WSCD2: variants seen among roughly 807,000 people sequenced by gnomAD.
The protein encoded by WSCD2 is sialate:O-sulfotransferase 2.
WSCD2 carries 28 observed loss-of-function variants against 55.7 expected under a neutral mutation model. The ratio of observed to expected loss-of-function variants is 0.50; its 90% CI spans 0.37 to 0.69. WSCD2 has a LOEUF of 0.69. WSCD2 is among the 30% of genes least tolerant of loss of function. The pLI is 0.00. For missense variants in WSCD2, 616 were observed against 762.1 expected (o/e 0.81, Z 2.26); for synonymous variants, 301 against 301.9 (o/e 1.00, Z 0.03).
intron 1 of WSCD2, among the ~76,000 whole-genome samples, chr12:108,173,198 C>A (rs1880413288): frequency 6.6e-6 from 1 of 152,184 alleles, no homozygotes; most frequent in African/African-American, 2.4e-5. Flanking sequence ...ACTAGCAAAG[C>A]CCCAGCTCAT....
chr12:108,140,739 A>G (rs1236049590), intron 1 of WSCD2, among the ~76,000 whole-genome samples: 1 of 152,010 alleles, frequency 6.6e-6, no homozygotes, highest in East Asian at 1.9e-4. Context: ...AGCCCCTGCT[A>G]CAGTCCTGAA....
chr12:108,201,280 G>C (rs1884635969), intron 2 of WSCD2, among the ~76,000 whole-genome samples: 1 of 152,090 alleles, frequency 6.6e-6, no homozygotes. Flanking sequence ...GCAATCCCTT[G>C]CTTGCAGCCA....
chr12:108,244,664 A>C lies in WSCD2; in HGVS notation c.1346-3327A>C. On this transcript the variant is annotated intron_variant, in intron 8 of 8. Transcript: ENST00000547525. ...TAATGTCTCCAAAGTCACATACCTC[A>C]TGTGGGGAGGAGCTGGGTCCTGAAC... The C allele has an allele frequency of 4.3e-6, 3 of 694,592 alleles. No homozygotes were observed. The South Asian group carries it at 4.5e-5, about 10-fold the overall frequency. The allele number at this position is 694,592 out of a possible 1,614,324, so 43.0% of individuals were successfully genotyped here. A position where few individuals can be genotyped will look rare whatever the true frequency, so the allele number is the denominator to read the frequency against.
chr12:108,133,610 A>G (rs937164887), intron 1 of WSCD2, among the ~76,000 whole-genome samples: 2 of 152,082 alleles, frequency 1.3e-5, no homozygotes, highest in Non-Finnish European at 2.9e-5. Context: ...TCAGGACTGA[A>G]CTGTGCTTGT....
At position 108,248,983 on chromosome 12, in the gene WSCD2, C is replaced by T. The variant is rs1170063094; in HGVS notation, c.*640C>T. The T allele has an allele frequency of 1.1e-5, 10 of 901,562 alleles. No homozygotes were observed. The highest frequency in any genetic ancestry group is 1.3e-5 in the Non-Finnish European group (10 of 753,404). The allele number at this position is 901,562 out of a possible 1,614,324, so 55.8% of individuals were successfully genotyped here. A position where few individuals can be genotyped will look rare whatever the true frequency, so the allele number is the denominator to read the frequency against. The stretch of plus-strand genomic sequence containing the variant: ...CATGTGGGGCCATTGGTGTTATGAG[C>T]CCCCCAGGCCACACTGCTTCTCAGA... On this transcript the variant is annotated 3_prime_UTR_variant, in exon 9 of 9. Transcript: ENST00000547525. This position sits in a 1 kb window ranked among gnomAD's most constrained non-coding sequence, Gnocchi z 4.3.
At chr12:108,221,709 G>C (rs1887542779) in intron 4 of WSCD2, among the ~76,000 whole-genome samples, 3 of 152,258 alleles carry the variant, frequency 2.0e-5, no homozygotes, top group Admixed American at 2.0e-4. Context: ...TCAAGTGCCA[G>C]TGGCCTCAAA....
intron 1 of WSCD2, among the ~76,000 whole-genome samples, chr12:108,138,442 G>C (rs1357234528): frequency 6.6e-6 from 1 of 152,208 alleles, no homozygotes; most frequent in Non-Finnish European, 1.5e-5. Flanking sequence ...CTTATAGGCT[G>C]TGTAATCTTG....
intron 7 of WSCD2, among the ~76,000 whole-genome samples, chr12:108,239,053 C>G (rs1249730907): frequency 6.6e-6 from 1 of 152,200 alleles, no homozygotes; most frequent in Non-Finnish European, 1.5e-5. Context: ...AAAGGAAAAT[C>G]TGATCATGCC....
At chr12:108,141,030 A>ATTCTT (rs111897929) in intron 1 of WSCD2, among the ~76,000 whole-genome samples, 4 of 152,076 alleles carry the variant, frequency 2.6e-5, no homozygotes, top group Non-Finnish European at 5.9e-5. Flanking sequence ...CAATCTTTAC[A>ATTCTT]TTCTTTTCTT....
chr12:108,201,276 C>T (rs917787355), intron 2 of WSCD2, among the ~76,000 whole-genome samples: 8 of 152,160 alleles, frequency 5.3e-5, no homozygotes, highest in Admixed American at 1.3e-4. Context: ...CTCAGCAATC[C>T]CTTGCTTGCA....
chr12:108,191,724 AG>A (rs35880912), intron 1 of WSCD2, among the ~76,000 whole-genome samples: 1 of 152,112 alleles, frequency 6.6e-6, no homozygotes, highest in Non-Finnish European at 1.5e-5. Flanking sequence ...CTCAGCTTCC[AG>A]GGGGCTCTTC....
chr12:108,242,052 G>A (rs1374764456), intron 8 of WSCD2, among the ~76,000 whole-genome samples: 2 of 152,210 alleles, frequency 1.3e-5, no homozygotes, highest in Non-Finnish European at 2.9e-5. Flanking sequence ...CATAGCAGGC[G>A]CTCTGCAAAT....
intron 7 of WSCD2, among the ~76,000 whole-genome samples, chr12:108,236,234 TC>T (rs1889254989): frequency 6.6e-6 from 1 of 152,200 alleles, no homozygotes; most frequent in African/African-American, 2.4e-5. Context: ...GACCTCAGTT[TC>T]CTGCTCTGTG....
chr12:108,247,998 A>G lies in WSCD2; in HGVS notation c.1353A>G (p.Pro451=). Residue 451 remains proline, a synonymous_variant, in exon 9 of 9, where the codon CCA becomes CCG. Coordinates refer to ENST00000547525, the MANE Select transcript of WSCD2 (RefSeq NM_014653.4). ...TTTCTCCTCTCTCTGCAGAGTGGCC[A>G]GAGTTCGTGAGGAACTATGCCCCGT... ...AHAHWKGKEW[P]EFVRNYAPWW... 1 of 1,611,550 alleles carries G rather than the reference A, an allele frequency of 6.2e-7. No homozygotes were observed. Among genetic ancestry groups the G allele is most frequent in the South Asian group, 1.1e-5 (1 of 90,970 alleles).
intron 1 of WSCD2, among the ~76,000 whole-genome samples, chr12:108,139,087 T>G (rs549000983): frequency 6.6e-6 from 1 of 152,288 alleles, no homozygotes; most frequent in South Asian, 2.1e-4. Context: ...ATCAGATGGG[T>G]GGATCCTATT....
chr12:108,187,366 G>A (rs1452748269), intron 1 of WSCD2, among the ~76,000 whole-genome samples: 1 of 152,230 alleles, frequency 6.6e-6, no homozygotes, highest in East Asian at 1.9e-4. Context: ...GTATTGTCAT[G>A]AGAAGAGGTA....
chr12:108,151,991 G>A (rs983939063), intron 1 of WSCD2, among the ~76,000 whole-genome samples: 5 of 152,134 alleles, frequency 3.3e-5, no homozygotes, highest in Non-Finnish European at 7.4e-5. Flanking sequence ...GAGGGCCATC[G>A]ATCTCCTTCC....
chr12:108,208,973 ATAT>A (rs1258032395), intron 3 of WSCD2, among the ~76,000 whole-genome samples: 1 of 152,198 alleles, frequency 6.6e-6, no homozygotes, highest in East Asian at 1.9e-4. Context: ...GTGTCTAAAG[ATAT>A]TATATTCTAG....
intron 1 of WSCD2, among the ~76,000 whole-genome samples, chr12:108,190,720 G>A (rs1883055919): frequency 6.6e-6 from 1 of 152,208 alleles, no homozygotes; most frequent in Non-Finnish European, 1.5e-5. Flanking sequence ...ATGAACTGCA[G>A]TAACCAAATG....
Sources: allele counts gnomAD v4.1 joint callset (sites outside exome capture counted in the v4.1 genomes callset), GRCh38; gene constraint gnomAD v4.1.1; non-coding constraint Gnocchi (gnomAD v3.1); transcripts MANE v1.5; gene names NCBI Gene and HGNC (gene_info 2026-07-23, HGNC 2026-07-21).